VSTM4: variants seen among roughly 807,000 people sequenced by gnomAD.
The protein encoded by VSTM4 is V-set and transmembrane domain containing 4, also known as V-set and transmembrane domain-containing protein 4.
VSTM4 carries 20 observed loss-of-function variants against 36.4 expected under a neutral mutation model. The observed-to-expected ratio is 0.55, with a 90% confidence interval of 0.39 to 0.80. The LOEUF (loss-of-function observed/expected upper bound fraction) is 0.80, where lower values mean the gene tolerates loss of function less well. Among genes scored for constraint, VSTM4 ranks in the 30% least tolerant of loss-of-function variants. The pLI, the probability that VSTM4 is intolerant of heterozygous loss-of-function variation, is 0.00. For synonymous variants in VSTM4, 182 were observed against 173.9 expected (o/e 1.05, Z -0.37); for missense variants, 392 against 404.5 (o/e 0.97, Z 0.26).
chr10:49,051,632 G>A (rs1843699999), intron 5 of VSTM4, among the ~76,000 whole-genome samples: 1 of 152,108 alleles, frequency 6.6e-6, no homozygotes, highest in African/African-American at 2.4e-5. Context: ...CTGACCTCAG[G>A]TGATCCACCC....
At chr10:49,104,826 GAC>G (rs1208286082) in intron 2 of VSTM4, among the ~76,000 whole-genome samples, 2 of 146,766 alleles carry the variant, frequency 1.4e-5, no homozygotes, top group African/African-American at 4.9e-5. Flanking sequence ...GAGGGAGAGA[GAC>G]ACAGAGAGAG....
chr10:49,107,572 C>T (rs760102219), intron 2 of VSTM4, 22 bp downstream of exon 2: 1 of 1,584,748 alleles, frequency 6.3e-7, no homozygotes, highest in Middle Eastern at 1.7e-4. Flanking sequence ...CCACCTCTAC[C>T]CAGGGAGACC....
At chr10:49,083,508 C>T (rs988348767) in intron 3 of VSTM4, among the ~76,000 whole-genome samples, 5 of 152,176 alleles carry the variant, frequency 3.3e-5, no homozygotes, top group Non-Finnish European at 7.3e-5. Context: ...AGCACGGAGA[C>T]GCTGCTGCTG....
intron 1 of VSTM4, among the ~76,000 whole-genome samples, chr10:49,112,644 G>A (rs980302960): frequency 6.6e-6 from 1 of 152,186 alleles, no homozygotes; most frequent in Non-Finnish European, 1.5e-5. Flanking sequence ...GTGGGCCCAC[G>A]ACCTGCAGGC....
At chr10:49,097,879 G>T (rs910006336) in intron 2 of VSTM4, among the ~76,000 whole-genome samples, 1 of 152,160 alleles carries the variant, frequency 6.6e-6, no homozygotes, top group Non-Finnish European at 1.5e-5. Context: ...AACTACTTCA[G>T]CAAAACTATT....
chr10:49,024,405 A>C (rs1405869261), intron 7 of VSTM4, among the ~76,000 whole-genome samples: 1 of 152,212 alleles, frequency 6.6e-6, no homozygotes, highest in Non-Finnish European at 1.5e-5. Context: ...CATCAAAGGA[A>C]GGCTGCAATA....
At chr10:49,050,479 T>C (rs1289648073) in intron 5 of VSTM4, among the ~76,000 whole-genome samples, 1 of 152,236 alleles carries the variant, frequency 6.6e-6, no homozygotes, top group Non-Finnish European at 1.5e-5. Context: ...TCACACGTTG[T>C]GGGATAAATT....
At chr10:49,064,566 C>T (rs1488697494) in intron 5 of VSTM4, 137 bp downstream of exon 5, 1 of 972,462 alleles carries the variant, frequency 1.0e-6, no homozygotes, top group African/African-American at 1.7e-5. Context: ...ATGCAGGATA[C>T]ACATTTGCAG....
intron 2 of VSTM4, chr10:49,103,812 A>G: frequency 6.8e-6 from 11 of 1,614,150 alleles, no homozygotes; most frequent in Non-Finnish European, 9.3e-6. Flanking sequence ...TAGTATTACA[A>G]GGGAAATCCC....
intron 4 of VSTM4, among the ~76,000 whole-genome samples, chr10:49,070,625 A>T (rs1010556542): frequency 6.6e-6 from 1 of 152,218 alleles, no homozygotes; most frequent in African/African-American, 2.4e-5. Context: ...CAGCCCCAAG[A>T]GGTAAGAGGA....
intron 7 of VSTM4, among the ~76,000 whole-genome samples, chr10:49,031,397 G>GA: frequency 6.6e-6 from 1 of 152,176 alleles, no homozygotes; most frequent in Admixed American, 6.5e-5. Flanking sequence ...TAATGTGCTT[G>GA]AAAAAATACC....
chr10:49,107,729 C>T lies in VSTM4; in HGVS notation c.322G>A (p.Ala108Thr), dbSNP rs368171376. The T allele has an allele frequency of 3.1e-6, 5 of 1,613,980 alleles. No individual in the cohort carries two copies. Among genetic ancestry groups the T allele is most frequent in the African/African-American group, 2.7e-5 (2 of 74,920 alleles). Residue 108 changes from alanine to threonine, a missense_variant, in exon 2 of 8, where the codon GCG becomes ACG. By Grantham distance (58) the Ala-to-Thr change is moderately conservative (BLOSUM62 0). Coordinates refer to ENST00000332853, the MANE Select transcript of VSTM4 (RefSeq NM_001031746.5). ...RLRLLEEQRG[A>T]LYRLSVLTLQ... ...GTCAAGACGGAGAGCCTGTAGAGCG[C>T]CCCCCGCTGCTCCTCCAGCAGGCGC...
chr10:49,048,542 T>C lies in VSTM4; in HGVS notation c.711A>G (p.Leu237=), dbSNP rs777105506. 1 of 1,597,906 alleles carries C rather than the reference T, an allele frequency of 6.3e-7. No individual in the cohort carries two copies. Among genetic ancestry groups the C allele is most frequent in the South Asian group, 1.1e-5 (1 of 87,802 alleles). The change falls in exon 6 of 8, where the codon CTA becomes CTG. Residue 237 remains leucine (L), a synonymous_variant. Transcript: ENST00000332853. The stretch of plus-strand genomic sequence containing the variant: ...TCTGCCTCTTGCCCTTCTTGGGCTG[T>C]AGTGGGGCCAAGCTGGTCACGCTAG... ...TVTSVTSLAP[L]QPKKGKRQKE... is the part of the protein sequence containing the mutation.
In VSTM4 at chr10:49,048,220, C is replaced by T. The variant is rs79667452; in HGVS notation, c.775+258G>A. ...GGAATCATCTGTGGATGTTGATCTT[C>T]CCCCTGCTAAAGCTATGCTAGGCCC... On this transcript the variant is annotated intron_variant, in intron 6 of 7. Transcript: ENST00000332853. Among the ~76,000 whole-genome samples, 1,405 of 152,348 alleles carry T rather than the reference C, an allele frequency of 9.2e-3. 58 individuals are homozygous for T. The South Asian group carries it at 0.12, about 14-fold the overall frequency.
At chr10:49,091,602 C>T (rs950541294) in intron 2 of VSTM4, among the ~76,000 whole-genome samples, 8 of 152,156 alleles carry the variant, frequency 5.3e-5, no homozygotes, top group African/African-American at 1.7e-4. Flanking sequence ...TGCCAACTTC[C>T]CTGGGGAGGG....
chr10:49,049,572 A>G (rs952566804), intron 5 of VSTM4, among the ~76,000 whole-genome samples: 1 of 152,198 alleles, frequency 6.6e-6, no homozygotes, highest in Non-Finnish European at 1.5e-5. Context: ...CCAGGTCTCA[A>G]GAGAGGCTAT....
intron 7 of VSTM4, among the ~76,000 whole-genome samples, chr10:49,039,568 G>C (rs1426604489): frequency 2.6e-5 from 4 of 152,086 alleles, no homozygotes; most frequent in African/African-American, 9.7e-5. Context: ...TCTCCCTAGA[G>C]AACAGGGGTG....
At chr10:49,044,170 A>T (rs1843563610) in intron 7 of VSTM4, among the ~76,000 whole-genome samples, 2 of 152,118 alleles carry the variant, frequency 1.3e-5, no homozygotes, top group African/African-American at 4.8e-5. Context: ...TCTACTAAAA[A>T]TACAAAAACT....
intron 5 of VSTM4, among the ~76,000 whole-genome samples, chr10:49,053,084 T>C (rs930934823): frequency 6.6e-6 from 1 of 152,236 alleles, no homozygotes; most frequent in Non-Finnish European, 1.5e-5. Context: ...AACAGGGCTA[T>C]ATTTTGTCTC....
Sources: allele counts gnomAD v4.1 joint callset (sites outside exome capture counted in the v4.1 genomes callset), GRCh38; gene constraint gnomAD v4.1.1; transcripts MANE v1.5; gene names NCBI Gene and HGNC (gene_info 2026-07-23, HGNC 2026-07-21).